UVRAG: variants seen among roughly 807,000 people sequenced by gnomAD.
The protein encoded by UVRAG is UV radiation resistance-associated gene protein.
UVRAG carries 19 observed loss-of-function variants against 78.0 expected under a neutral mutation model. The ratio of observed to expected loss-of-function variants is 0.24; its 90% confidence interval spans 0.17 to 0.36. UVRAG has a LOEUF of 0.36. UVRAG is among the 10% of genes least tolerant of loss of function. The pLI, the probability that UVRAG is intolerant of heterozygous loss-of-function variation, is 1.00. For synonymous variants in UVRAG, 323 were observed against 324.6 expected (o/e 1.00, Z 0.05); for missense variants, 740 against 853.8 (o/e 0.87, Z 1.66).
chr11:75,906,293 G>C (rs1271257470), intron 5 of UVRAG, among the ~76,000 whole-genome samples: 1 of 151,898 alleles, frequency 6.6e-6, no homozygotes, highest in African/African-American at 2.4e-5. Flanking sequence ...ATAAACCCCT[G>C]TGTTTTCTTC....
chr11:75,923,789 A>T (rs1948028910), intron 6 of UVRAG, among the ~76,000 whole-genome samples: 1 of 152,212 alleles, frequency 6.6e-6, no homozygotes, highest in Non-Finnish European at 1.5e-5. Context: ...GATTTCCAAC[A>T]TTATTGCTGA....
chr11:76,140,835 A>G lies in UVRAG; in HGVS notation c.1522A>G (p.Ser508Gly), dbSNP rs771369313. The change falls in exon 15 of 15, where the codon AGC becomes GGC. Residue 508 changes from serine (S) to glycine (G), a missense_variant. Physicochemically the swap from Ser to Gly is moderately conservative, Grantham distance 56. Transcript: ENST00000356136. ...SPDKGHRKRA[S>G]SENERLQYKT... ...AGACAAAGGACATCGAAAACGGGCCAGCTCTGAGAATGAGAGACTTCAGTA... is the reference window on the plus strand; with the variant it reads ...AGACAAAGGACATCGAAAACGGGCCGGCTCTGAGAATGAGAGACTTCAGTA... The G allele has an allele frequency of 3.1e-6, 5 of 1,614,214 alleles. No homozygotes were observed. The highest frequency in any genetic ancestry group is 2.2e-5 in the South Asian group (2 of 91,082).
chr11:75,983,315 A>C, intron 7 of UVRAG, 72 bp from the exon 8 acceptor site: 1 of 1,341,284 alleles, frequency 7.5e-7, no homozygotes, highest in South Asian at 1.6e-5. Context: ...ATTTTTAAAC[A>C]TTGTGAGTAT....
intron 7 of UVRAG, among the ~76,000 whole-genome samples, chr11:75,962,082 A>G (rs570519215): frequency 1.1e-4 from 17 of 152,174 alleles, no homozygotes; most frequent in African/African-American, 3.1e-4. Flanking sequence ...AAAAATGTCT[A>G]TTTTGTAATG....
intron 1 of UVRAG, among the ~76,000 whole-genome samples, chr11:75,817,144 G>T (rs774800337): frequency 6.6e-6 from 1 of 152,134 alleles, no homozygotes; most frequent in Non-Finnish European, 1.5e-5. Context: ...GCATTAATGT[G>T]AGTTTTTGTA....
intron 12 of UVRAG, among the ~76,000 whole-genome samples, chr11:76,060,607 G>A (rs944112287): frequency 4.6e-5 from 7 of 152,352 alleles, no homozygotes; most frequent in African/African-American, 1.7e-4. Context: ...CGGCGCTTGC[G>A]GGCCAGCTGG....
At chr11:76,007,698 A>C (rs1323696976) in intron 10 of UVRAG, 77 bp downstream of exon 10, 2 of 1,138,096 alleles carry the variant, frequency 1.8e-6, no homozygotes, top group Non-Finnish European at 2.6e-6. Flanking sequence ...TCAATGAAAA[A>C]ACTCATTGCT....
chr11:76,073,027 G>T (rs1474564019), intron 13 of UVRAG, among the ~76,000 whole-genome samples: 1 of 152,090 alleles, frequency 6.6e-6, no homozygotes, highest in African/African-American at 2.4e-5. Flanking sequence ...AAGGCAGAGG[G>T]ACTAAACTCA....
rs139102740 is a variant in UVRAG, at chr11:76,144,119, T to A, written c.*2706T>A. On this transcript the variant is annotated 3_prime_UTR_variant, in exon 15 of 15. Coordinates refer to ENST00000356136, the MANE Select transcript of UVRAG (RefSeq NM_003369.4). ...CCATTTATCCTGACCTAACCAGTTA[T>A]TTAAATAATTTTTTAAACCACCACG... 6.6e-6 allele frequency among the ~76,000 whole-genome samples: 1 copy of A among 152,372 alleles called. No individual in the cohort carries two copies. Among genetic ancestry groups the A allele is most frequent in the African/African-American group, 2.4e-5 (1 of 41,590 alleles).
At chr11:76,006,236 A>G (rs891185195) in intron 9 of UVRAG, among the ~76,000 whole-genome samples, 4 of 152,248 alleles carry the variant, frequency 2.6e-5, no homozygotes, top group Admixed American at 2.6e-4. Flanking sequence ...AAGACCATAT[A>G]TATGTCATGT....
At chr11:75,903,798 G>A (rs1050467386) in intron 5 of UVRAG, among the ~76,000 whole-genome samples, 1 of 152,084 alleles carries the variant, frequency 6.6e-6, no homozygotes, top group African/African-American at 2.4e-5. Flanking sequence ...CTATGTACTC[G>A]GTGTTCAGTA....
intron 8 of UVRAG, among the ~76,000 whole-genome samples, chr11:75,987,520 T>A (rs749519946): frequency 5.3e-5 from 8 of 152,236 alleles, no homozygotes; most frequent in Non-Finnish European, 1.0e-4. Context: ...TTTAAAACTT[T>A]TTTCTTACCT....
chr11:76,042,912 A>G (rs1426707755), intron 12 of UVRAG, among the ~76,000 whole-genome samples: 5 of 152,194 alleles, frequency 3.3e-5, no homozygotes, highest in African/African-American at 4.8e-5. Context: ...GCCTTGCCCA[A>G]TTTTCTAAGG....
At chr11:75,892,399 T>C in intron 5 of UVRAG, 1 of 985,354 alleles carries the variant, frequency 1.0e-6, no homozygotes, top group South Asian at 4.7e-5. Flanking sequence ...GCAGAGTAAG[T>C]GTTTCCCTCT....
intron 5 of UVRAG, among the ~76,000 whole-genome samples, chr11:75,902,572 C>T (rs1381270126): frequency 6.6e-6 from 1 of 152,064 alleles, no homozygotes; most frequent in Non-Finnish European, 1.5e-5. Flanking sequence ...TTAAATGGAG[C>T]TCTTCATTTT....
chr11:75,850,242 T>C (rs1946125515), intron 1 of UVRAG, among the ~76,000 whole-genome samples: 1 of 152,220 alleles, frequency 6.6e-6, no homozygotes, highest in Non-Finnish European at 1.5e-5. Flanking sequence ...GATTTAGTTC[T>C]AGGGTTGCCT....
At chr11:75,836,154 C>G (rs1424162572) in intron 1 of UVRAG, among the ~76,000 whole-genome samples, 3 of 151,884 alleles carry the variant, frequency 2.0e-5, no homozygotes, top group Non-Finnish European at 4.4e-5. Flanking sequence ...ACTGCAGAAC[C>G]AGAAAGGACC....
At chr11:76,000,916 A>G (rs1455871004) in intron 8 of UVRAG, among the ~76,000 whole-genome samples, 1 of 152,242 alleles carries the variant, frequency 6.6e-6, no homozygotes, top group Non-Finnish European at 1.5e-5. Flanking sequence ...ATGCACAATT[A>G]TAGTTAGAAA....
intron 1 of UVRAG, among the ~76,000 whole-genome samples, chr11:75,846,508 A>G (rs564443689): frequency 5.9e-5 from 9 of 152,216 alleles, no homozygotes; most frequent in African/African-American, 2.2e-4. Context: ...ATCTTCTAGG[A>G]CTTTTATAGT....
Sources: allele counts gnomAD v4.1 joint callset (sites outside exome capture counted in the v4.1 genomes callset), GRCh38; gene constraint gnomAD v4.1.1; transcripts MANE v1.5; gene names NCBI Gene and HGNC (gene_info 2026-07-23, HGNC 2026-07-21).